The following LARP4 variants were observed in gnomAD, a reference collection of about 807,000 sequenced individuals.
LARP4 encodes la-related protein 4.
LARP4 carries 29 observed loss-of-function variants against 92.9 expected under a neutral mutation model. The ratio of observed to expected loss-of-function variants is 0.31; its 90% CI spans 0.23 to 0.43. The LOEUF is 0.43. Ranked by LOEUF, LARP4 falls within the 20% of genes least tolerant of loss-of-function variation. The probability of loss-of-function intolerance (pLI) is 1.00; values close to 1 mark genes in which losing one functional copy is unlikely to be tolerated. For missense variants in LARP4, 732 were observed against 860.0 expected, an observed-to-expected ratio of 0.85 and a Z score of 1.86; for synonymous variants, 279 against 284.1, an observed-to-expected ratio of 0.98 and a Z score of 0.18.
At chr12:50,469,472 C>T (rs1956625359) in intron 13 of LARP4, among the ~76,000 whole-genome samples, 2 of 151,736 alleles carry the variant, frequency 1.3e-5, no homozygotes, top group South Asian at 4.2e-4. Context: ...GGCATGGTGG[C>T]GGGTGCCTGT....
intron 8 of LARP4, among the ~76,000 whole-genome samples, chr12:50,447,790 C>T (rs12307602): frequency 0.11 from 17,067 of 151,976 alleles, 1,905 homozygotes; most frequent in East Asian, 0.47. Flanking sequence ...CTCAAGTGAT[C>T]TTCCCACGTT....
intron 6 of LARP4, among the ~76,000 whole-genome samples, chr12:50,438,594 C>T (rs538345642): frequency 3.9e-5 from 6 of 152,108 alleles, no homozygotes; most frequent in South Asian, 4.1e-4. Context: ...GTACACGTAC[C>T]GGAATAAAAT....
At chr12:50,406,149 G>T (rs1297882595) in intron 1 of LARP4, among the ~76,000 whole-genome samples, 2 of 152,072 alleles carry the variant, frequency 1.3e-5, no homozygotes, top group African/African-American at 4.8e-5. Flanking sequence ...TACGACCTAG[G>T]ACGCTTTAAT....
chr12:50,451,585 A>G (rs905814677), intron 8 of LARP4, among the ~76,000 whole-genome samples: 1 of 152,216 alleles, frequency 6.6e-6, no homozygotes, highest in African/African-American at 2.4e-5. Flanking sequence ...CTGTAATCCT[A>G]GCACTTTGGG....
At chr12:50,429,116 A>G (rs1565577823) in intron 3 of LARP4, 26 bp downstream of exon 3, 2 of 1,588,276 alleles carry the variant, frequency 1.3e-6, no homozygotes, top group African/African-American at 1.3e-5. Context: ...TTATTGTTAA[A>G]ATGAGAATTC....
Position 50,477,626 on chromosome 12 carries a change from A to C in LARP4, c.*1762A>C, listed in dbSNP as rs1014960702. On this transcript the variant is annotated 3_prime_UTR_variant, in exon 16 of 16. Transcript: ENST00000398473. ...TGAAAACACTGCACATATCTGTACA[A>C]GCCAGAATTACTATTTCTTTGACTT... The C allele has an allele frequency of 1.3e-5, 2 of 152,558 alleles. No homozygotes were observed. The highest frequency in any genetic ancestry group is 4.8e-5 in the African/African-American group (2 of 41,464). 9.5% of individuals were successfully genotyped at this position (152,558 alleles called of 1,614,324 possible).
chr12:50,473,887 G>T (rs1474937555), intron 14 of LARP4, 112 bp from the exon 15 acceptor site: 2 of 827,162 alleles, frequency 2.4e-6, no homozygotes, highest in Non-Finnish European at 3.8e-6. Context: ...TCCAGCCTGG[G>T]TGACAGAGTG....
intron 1 of LARP4, chr12:50,420,941 C>G (rs1947645020): frequency 1.2e-5 from 1 of 83,004 alleles, no homozygotes; most frequent in Non-Finnish European, 2.7e-5. Flanking sequence ...TACAGAATAA[C>G]CTTTGCTTTT....
rs1432615596 is a variant in LARP4, at chr12:50,415,611, A to G, written c.19-12151A>G. On this transcript the variant is annotated intron_variant, in intron 1 of 15. Transcript: ENST00000398473. ...CCTTCCAATTTTTTGTTATATGTCT[A>G]CATTTGCAAAATTGCCCATGTTATG... is the stretch of plus-strand genomic sequence containing the variant. The G allele has an allele frequency of 3.9e-5, 6 of 151,986 alleles. 2 individuals carry two copies. In the South Asian group the frequency reaches 1.0e-3, roughly 26 times the overall value. The allele number at this position is 151,986 out of a possible 1,614,324, so 9.4% of individuals were successfully genotyped here.
At chr12:50,433,340 A>G (rs1272010228) in intron 4 of LARP4, among the ~76,000 whole-genome samples, 1 of 146,422 alleles carries the variant, frequency 6.8e-6, no homozygotes, top group Non-Finnish European at 1.5e-5. Flanking sequence ...CCTACTTGTC[A>G]TGATCCATCA....
intron 2 of LARP4, 83 bp downstream of exon 2, chr12:50,427,992 T>TC: frequency 2.0e-6 from 1 of 491,734 alleles, no homozygotes; most frequent in Non-Finnish European, 3.0e-6. Context: ...GAGACACATC[T>TC]CTTTTTTTTT....
intron 1 of LARP4, among the ~76,000 whole-genome samples, chr12:50,414,766 AG>A (rs1274786280): frequency 1.3e-5 from 2 of 152,248 alleles, no homozygotes; most frequent in African/African-American, 2.4e-5. Flanking sequence ...AAACTTTTAT[AG>A]TATTCCACAT....
intron 1 of LARP4, among the ~76,000 whole-genome samples, chr12:50,421,914 C>CTCATAATGT (rs1036559593): frequency 6.6e-6 from 1 of 151,474 alleles, no homozygotes; most frequent in Non-Finnish European, 1.5e-5. Context: ...TGTTATTACT[C>CTCATAATGT]TGTACCTCTC....
rs151072461 is a variant in LARP4, at chr12:50,402,096, T to C, written c.18+1068T>C. Among the ~76,000 whole-genome samples, 389 of 152,228 alleles carry C rather than the reference T, an allele frequency of 2.6e-3. 2 individuals are homozygous for C. The highest frequency in any genetic ancestry group is 9.0e-3 in the African/African-American group (372 of 41,536). ...GAATTTACGGGTTGTATAATGAATC[T>C]AGGAGCCGGGGCCAGCCTATGGCAG... On this transcript the variant is annotated intron_variant, in intron 1 of 15. Transcript: ENST00000398473.
intron 1 of LARP4, among the ~76,000 whole-genome samples, chr12:50,409,810 T>TA (rs1945520446): frequency 2.6e-5 from 4 of 151,442 alleles, no homozygotes; most frequent in African/African-American, 9.7e-5. Flanking sequence ...TTATTATTAT[T>TA]TTTTTAAGAT....
chr12:50,417,344 C>T (rs1211523261), intron 1 of LARP4, among the ~76,000 whole-genome samples: 1 of 145,648 alleles, frequency 6.9e-6, no homozygotes, highest in Non-Finnish European at 1.5e-5. Flanking sequence ...CACTGCGCTC[C>T]AGCCTGGGTG....
At chr12:50,461,079 G>C in intron 10 of LARP4, 56 bp from the exon 11 acceptor site, 1 of 1,444,432 alleles carries the variant, frequency 6.9e-7, no homozygotes, top group Non-Finnish European at 9.7e-7. Flanking sequence ...CCTAAGGAAA[G>C]ATGTTTTTCT....
chr12:50,401,235 T>A, intron 1 of LARP4: 2 of 640,798 alleles, frequency 3.1e-6, no homozygotes, highest in East Asian at 5.3e-5. Flanking sequence ...AGGCCCGTAG[T>A]GGAGAAGAAT....
At chr12:50,424,422 G>T (rs553649674) in intron 1 of LARP4, among the ~76,000 whole-genome samples, 3 of 150,766 alleles carry the variant, frequency 2.0e-5, no homozygotes, top group African/African-American at 7.3e-5. Context: ...ACAGTGGCCC[G>T]ATCTCGGCTC....
Sources: allele counts gnomAD v4.1 joint callset (sites outside exome capture counted in the v4.1 genomes callset), GRCh38; gene constraint gnomAD v4.1.1; transcripts MANE v1.5; gene names NCBI Gene and HGNC (gene_info 2026-07-23, HGNC 2026-07-21).